The following NAA11 variants were observed in gnomAD, a reference collection of about 807,000 sequenced individuals.
NAA11 encodes the protein N-alpha-acetyltransferase 11, NatA catalytic subunit.
Under a neutral mutation model 16.1 loss-of-function variants are expected in NAA11, and 15 were observed. The ratio of observed to expected loss-of-function variants is 0.93; its 90% CI spans 0.62 to 1.44. The LOEUF is 1.44. Among genes scored for constraint, NAA11 ranks in the 40% most tolerant of loss-of-function variants. The pLI is 0.00. For synonymous variants in NAA11, 122 were observed against 112.4 expected (o/e 1.09, Z -0.54); for missense variants, 298 against 291.3 (o/e 1.02, Z -0.17).
intron 2 of NAA11, among the ~76,000 whole-genome samples, chr4:79,283,859 CAGA>C (rs1393078107): frequency 6.6e-6 from 1 of 152,024 alleles, no homozygotes; most frequent in East Asian, 1.9e-4. Flanking sequence ...TGTGGAACCA[CAGA>C]ACATATAAAT....
chr4:79,321,025 G>C (rs1724073264), intron 1 of NAA11, among the ~76,000 whole-genome samples: 1 of 152,146 alleles, frequency 6.6e-6, no homozygotes, highest in African/African-American at 2.4e-5. Flanking sequence ...CAGAGGAGAG[G>C]GGTCATTTGT....
chr4:79,285,309 A>C (rs1722882633), intron 2 of NAA11, among the ~76,000 whole-genome samples: 1 of 152,146 alleles, frequency 6.6e-6, no homozygotes, highest in African/African-American at 2.4e-5. Flanking sequence ...CTTTAAAACT[A>C]TGCAGTGTTT....
the NAA11 span, among the ~76,000 whole-genome samples, chr4:79,177,350 T>C: frequency 1.3e-5 from 2 of 151,966 alleles, no homozygotes; most frequent in African/African-American, 4.8e-5. Context: ...GGCTTCCTCC[T>C]TTGTTCTTAT....
the NAA11 span, among the ~76,000 whole-genome samples, chr4:79,160,155 C>A: frequency 6.6e-6 from 1 of 151,986 alleles, no homozygotes; most frequent in African/African-American, 2.4e-5. Context: ...CCATGCTCAG[C>A]TAATTTTTGT....
intron 1 of NAA11, among the ~76,000 whole-genome samples, 192 bp from the exon 2 acceptor site, chr4:79,317,983 C>A (rs1403519510): frequency 1.6e-4 from 25 of 152,158 alleles, no homozygotes; most frequent in Admixed American, 1.6e-3. Flanking sequence ...ACACACAGAT[C>A]TGGGGCTCTC....
At chr4:79,191,097 T>C in the NAA11 span, among the ~76,000 whole-genome samples, 14 of 152,166 alleles carry the variant, frequency 9.2e-5, no homozygotes, top group Non-Finnish European at 1.9e-4. Flanking sequence ...GTTGATTCCA[T>C]GTCTTTGCTA....
At chr4:79,323,587 G>A (rs535839240) in intron 1 of NAA11, among the ~76,000 whole-genome samples, 42 of 152,246 alleles carry the variant, frequency 2.8e-4, no homozygotes, top group African/African-American at 9.9e-4. Flanking sequence ...TTGGGAGGCC[G>A]AGGCGGACGC....
At chr4:79,261,770 A>G (rs1483478583) in intron 2 of NAA11, among the ~76,000 whole-genome samples, 1 of 152,174 alleles carries the variant, frequency 6.6e-6, no homozygotes, top group Non-Finnish European at 1.5e-5. Flanking sequence ...TCTGCAAGGA[A>G]TTTTCCTTTA....
At chr4:79,239,479 T>A (rs1721642984) in intron 2 of NAA11, among the ~76,000 whole-genome samples, 1 of 152,036 alleles carries the variant, frequency 6.6e-6, no homozygotes, top group South Asian at 2.1e-4. Context: ...AGCATGTGGA[T>A]CACTCGAGGC....
the NAA11 span, among the ~76,000 whole-genome samples, chr4:79,218,243 A>G: frequency 1.3e-5 from 2 of 152,152 alleles, no homozygotes; most frequent in African/African-American, 4.8e-5. Flanking sequence ...TGTAATCAAA[A>G]TTAACAATAT....
chr4:79,231,716 TTA>T (rs1261095363), intron 2 of NAA11, among the ~76,000 whole-genome samples: 1 of 151,778 alleles, frequency 6.6e-6, no homozygotes, highest in African/African-American at 2.4e-5. Flanking sequence ...AACATATAAT[TTA>T]TATGTTTTAT....
At chr4:79,211,264 G>A in the NAA11 span, among the ~76,000 whole-genome samples, 2 of 152,010 alleles carry the variant, frequency 1.3e-5, no homozygotes, top group African/African-American at 4.8e-5. Context: ...TCTAATAAAG[G>A]CAGGCAGCAG....
intron 2 of NAA11, among the ~76,000 whole-genome samples, chr4:79,283,228 A>G (rs1281138046): frequency 2.6e-5 from 4 of 152,070 alleles, no homozygotes; most frequent in African/African-American, 9.7e-5. Context: ...GTTCACTGTG[A>G]AGGGTGTAGT....
intron 2 of NAA11, among the ~76,000 whole-genome samples, chr4:79,274,547 A>C (rs1722602180): frequency 6.6e-6 from 1 of 152,106 alleles, no homozygotes; most frequent in African/African-American, 2.4e-5. Flanking sequence ...TTAATGCTGG[A>C]CTGCTCAGAT....
intron 2 of NAA11, among the ~76,000 whole-genome samples, chr4:79,287,009 C>T (rs373473502): frequency 2.0e-5 from 3 of 152,212 alleles, no homozygotes; most frequent in African/African-American, 7.2e-5. Flanking sequence ...CTCTCCTTCA[C>T]AAGGCTGTGA....
At chr4:79,267,635 G>C (rs1014227110) in intron 2 of NAA11, among the ~76,000 whole-genome samples, 1 of 152,112 alleles carries the variant, frequency 6.6e-6, no homozygotes, top group Non-Finnish European at 1.5e-5. Flanking sequence ...TGACAGAAAA[G>C]CTTCAGTGAG....
chr4:79,315,066 G>A (rs190027562), downstream of NAA11, among the ~76,000 whole-genome samples: 5 of 151,872 alleles, frequency 3.3e-5, no homozygotes, highest in Middle Eastern at 3.4e-3. Context: ...AGGTGTTTTG[G>A]ACCCCAGTCC....
chr4:79,317,200 C>A lies in NAA11; in HGVS notation c.*604G>T, dbSNP rs1188080766. On this transcript the variant is annotated 3_prime_UTR_variant, in exon 2 of 2. Coordinates refer to ENST00000286794, the MANE Select transcript of NAA11 (RefSeq NM_032693.3). ...TGTACAGTAGAAGCTCCTAACTTAACACCTTTTCCCACTGGGAAGGTGATG... is the reference window on the plus strand; with the variant it reads ...TGTACAGTAGAAGCTCCTAACTTAAAACCTTTTCCCACTGGGAAGGTGATG... 6.6e-6 allele frequency: 1 copy of A among 152,096 alleles called. No homozygotes were observed. 9.4% of individuals were successfully genotyped at this position (152,096 alleles called of 1,614,324 possible).
intron 1 of NAA11, among the ~76,000 whole-genome samples, chr4:79,301,915 A>G (rs967807494): frequency 6.6e-6 from 1 of 152,242 alleles, no homozygotes; most frequent in African/African-American, 2.4e-5. Context: ...GCCTTACTTT[A>G]AGGAATCTTC....
Sources: gnomAD v4.1 joint callset for allele counts (sites outside exome capture counted in the v4.1 genomes callset) on GRCh38, gnomAD v4.1.1 for gene constraint, MANE v1.5 for transcripts, NCBI Gene and HGNC (gene_info 2026-07-23, HGNC 2026-07-21) for gene names.